The following RBFOX1 variants were observed in gnomAD, a reference collection of about 807,000 sequenced individuals.
RBFOX1 encodes RNA binding protein fox-1 homolog 1.
RBFOX1 carries 8 observed loss-of-function variants against 57.7 expected under a neutral mutation model. The ratio of observed to expected loss-of-function variants is 0.14; its 90% confidence interval spans 0.08 to 0.25. The LOEUF (loss-of-function observed/expected upper bound fraction) is 0.25, where lower values mean the gene tolerates loss of function less well. Among genes scored for constraint, RBFOX1 ranks in the 10% least tolerant of loss-of-function variants. The probability of loss-of-function intolerance (pLI) is 1.00; values close to 1 mark genes in which losing one functional copy is unlikely to be tolerated. For synonymous variants in RBFOX1, 326 were observed against 222.4 expected, an observed-to-expected ratio of 1.47 and a Z score of -4.15; for missense variants, 611 against 548.5, an observed-to-expected ratio of 1.11 and a Z score of -1.14.
At chr16:6,108,953 C>A (rs1047452809) in intron 1 of RBFOX1, among the ~76,000 whole-genome samples, 8 of 152,188 alleles carry the variant, frequency 5.3e-5, no homozygotes, top group African/African-American at 1.9e-4. Flanking sequence ...AATTGAATCT[C>A]ATCTACAAAG....
intron 2 of RBFOX1, among the ~76,000 whole-genome samples, chr16:6,640,859 AG>A (rs1053972694): frequency 6.6e-6 from 1 of 152,124 alleles, no homozygotes. Context: ...CTTAGGATTA[AG>A]GCCAAGACCC....
intron 2 of RBFOX1, among the ~76,000 whole-genome samples, chr16:6,406,091 G>C (rs1270013696): frequency 1.3e-5 from 2 of 152,206 alleles, no homozygotes; most frequent in African/African-American, 4.8e-5. Context: ...GGCTCAGCCT[G>C]AATGCTTCTC....
chr16:6,305,888 C>T (rs2079449762), intron 1 of RBFOX1, among the ~76,000 whole-genome samples: 1 of 152,040 alleles, frequency 6.6e-6, no homozygotes, highest in African/African-American at 2.4e-5. Flanking sequence ...TGTCCTCTAA[C>T]TGACCCCTTA....
intron 3 of RBFOX1, among the ~76,000 whole-genome samples, chr16:5,795,205 G>C (rs1265217729): frequency 6.6e-6 from 1 of 152,060 alleles, no homozygotes; most frequent in Non-Finnish European, 1.5e-5. Context: ...TTCTACGTCA[G>C]TTTCATATCC....
chr16:5,435,878 T>A (rs1467678998), intron 1 of RBFOX1, among the ~76,000 whole-genome samples: 2 of 152,268 alleles, frequency 1.3e-5, no homozygotes, highest in African/African-American at 4.8e-5. Flanking sequence ...TTTCTGTTAT[T>A]TTCGACTATC....
intron 1 of RBFOX1, among the ~76,000 whole-genome samples, chr16:6,199,288 A>G (rs2097200213): frequency 6.6e-6 from 1 of 152,222 alleles, no homozygotes; most frequent in Admixed American, 6.5e-5. Flanking sequence ...ATAATTGACT[A>G]CAGTATTTTG....
chr16:5,420,956 C>T (rs1431367927), intron 1 of RBFOX1, among the ~76,000 whole-genome samples: 3 of 130,654 alleles, frequency 2.3e-5, no homozygotes, highest in Admixed American at 7.6e-5. Context: ...TGCTTTTCCT[C>T]CTCCTCCTTT....
At chr16:7,359,478 G>T (rs2097279054) in intron 4 of RBFOX1, among the ~76,000 whole-genome samples, 1 of 152,136 alleles carries the variant, frequency 6.6e-6, no homozygotes, top group Admixed American at 6.5e-5. Flanking sequence ...ACTACTCCCT[G>T]TGGAGCTTGA....
chr16:5,421,837 G>T (rs1035175577), intron 1 of RBFOX1, among the ~76,000 whole-genome samples: 3 of 152,188 alleles, frequency 2.0e-5, no homozygotes, highest in African/African-American at 7.2e-5. Context: ...GTTGTTGGGT[G>T]AGCAAATCCA....
intron 3 of RBFOX1, among the ~76,000 whole-genome samples, chr16:6,885,361 C>A (rs539715408): frequency 4.1e-4 from 63 of 152,162 alleles, no homozygotes; most frequent in African/African-American, 1.5e-3. Flanking sequence ...AACAAGCCTT[C>A]GGGGGGTTGC....
intron 3 of RBFOX1, among the ~76,000 whole-genome samples, chr16:6,937,741 G>A (rs938264455): frequency 6.6e-6 from 1 of 152,066 alleles, no homozygotes; most frequent in African/African-American, 2.4e-5. Context: ...TAGGATAAGG[G>A]GTTGTGGAGA....
intron 1 of RBFOX1, among the ~76,000 whole-genome samples, chr16:6,222,780 C>A (rs2097384824): frequency 1.3e-5 from 2 of 150,820 alleles, no homozygotes; most frequent in African/African-American, 4.9e-5. Flanking sequence ...ATACATGTGC[C>A]ATGGTGGTGT....
intron 1 of RBFOX1, among the ~76,000 whole-genome samples, chr16:6,170,899 G>A (rs1321395539): frequency 2.0e-5 from 3 of 152,074 alleles, no homozygotes; most frequent in African/African-American, 7.2e-5. Context: ...CTCCATCCAG[G>A]TCTCTGCAAA....
intron 2 of RBFOX1, among the ~76,000 whole-genome samples, chr16:6,389,080 T>G (rs538752966): frequency 6.6e-6 from 1 of 152,214 alleles, no homozygotes; most frequent in Admixed American, 6.5e-5. Flanking sequence ...AGCTTGGCTT[T>G]GCACTTTTGC....
intron 3 of RBFOX1, among the ~76,000 whole-genome samples, chr16:5,666,538 TG>T (rs2049850541): frequency 1.3e-5 from 2 of 152,236 alleles, no homozygotes; most frequent in African/African-American, 4.8e-5. Flanking sequence ...CCTGCGTTTC[TG>T]TTGGAACAGA....
At chr16:7,327,879 G>T (rs2096632161) in intron 4 of RBFOX1, among the ~76,000 whole-genome samples, 1 of 151,898 alleles carries the variant, frequency 6.6e-6, no homozygotes. Context: ...CTGTGGACTG[G>T]ACTTGGTCCC....
chr16:6,169,529 G>A (rs1195618766), intron 1 of RBFOX1, among the ~76,000 whole-genome samples: 8 of 152,116 alleles, frequency 5.3e-5, no homozygotes. Flanking sequence ...CAGAATCAGG[G>A]CAGATTCAGA....
intron 1 of RBFOX1, among the ~76,000 whole-genome samples, chr16:6,074,786 C>T (rs1018042288): frequency 3.3e-5 from 5 of 152,072 alleles, no homozygotes; most frequent in African/African-American, 1.2e-4. Context: ...CGTCAGGCCT[C>T]ACGGGGAAAA....
intron 4 of RBFOX1, among the ~76,000 whole-genome samples, chr16:7,126,825 G>A (rs1053663986): frequency 1.3e-5 from 2 of 151,876 alleles, no homozygotes; most frequent in African/African-American, 2.4e-5. Flanking sequence ...TGGCCAATAC[G>A]GTGAAACCTC....
Sources: gnomAD v4.1 joint callset for allele counts (sites outside exome capture counted in the v4.1 genomes callset) on GRCh38, gnomAD v4.1.1 for gene constraint, MANE v1.5 for transcripts, NCBI Gene and HGNC (gene_info 2026-07-23, HGNC 2026-07-21) for gene names.